Variants in BAIAP2 observed in about 807,000 individuals in gnomAD.
BAIAP2 encodes BAR/IMD domain-containing adapter protein 2.
In BAIAP2, 18 loss-of-function variants were observed where a neutral mutation model predicts 63.0. That is an observed-to-expected ratio of 0.29 (90% CI 0.20 to 0.42). BAIAP2 has a LOEUF of 0.42. Ranked by LOEUF, BAIAP2 falls within the 10% of genes least tolerant of loss-of-function variation. BAIAP2 has a pLI of 1.00. For synonymous variants in BAIAP2, 386 were observed against 307.6 expected (o/e 1.25, Z -2.67); for missense variants, 610 against 734.3 (o/e 0.83, Z 1.96).
At chr17:81,041,820 C>T (rs1360461731) in intron 1 of BAIAP2, among the ~76,000 whole-genome samples, 1 of 152,254 alleles carries the variant, frequency 6.6e-6, no homozygotes, top group Non-Finnish European at 1.5e-5. Flanking sequence ...GATCCACCCA[C>T]CTCGGGCTCC....
At chr17:81,113,816 G>A (rs1397606323) in intron 13 of BAIAP2, among the ~76,000 whole-genome samples, 1 of 152,190 alleles carries the variant, frequency 6.6e-6, no homozygotes, top group Non-Finnish European at 1.5e-5. Flanking sequence ...AGCTCCCCGT[G>A]GGGTCCAGGC....
intron 3 of BAIAP2, among the ~76,000 whole-genome samples, chr17:81,064,382 A>G (rs944575861): frequency 4.6e-5 from 7 of 152,164 alleles, no homozygotes; most frequent in African/African-American, 1.4e-4. Flanking sequence ...ACTCCCGGCT[A>G]ATCACTGTGG....
At chr17:81,037,448 C>G (rs566695369) in intron 1 of BAIAP2, among the ~76,000 whole-genome samples, 102 of 152,346 alleles carry the variant, frequency 6.7e-4, no homozygotes, top group African/African-American at 2.3e-3. Context: ...TGCTTTGTCA[C>G]TGGGGAGCTC....
chr17:81,077,384 C>T (rs1274944240), intron 3 of BAIAP2, among the ~76,000 whole-genome samples: 5 of 152,086 alleles, frequency 3.3e-5, no homozygotes, highest in Admixed American at 1.3e-4. Flanking sequence ...CTGGCCAACA[C>T]GGTGAAACCC....
intron 7 of BAIAP2, among the ~76,000 whole-genome samples, chr17:81,100,825 A>G (rs749593037): frequency 1.1e-4 from 16 of 152,056 alleles, no homozygotes; most frequent in Admixed American, 3.3e-4. Context: ...CTGGGACTCA[A>G]ACCTGGTCAC....
At chr17:81,085,017 GAGGGA>G in intron 4 of BAIAP2, 124 bp downstream of exon 4, 2 of 1,002,806 alleles carry the variant, frequency 2.0e-6, no homozygotes, top group Non-Finnish European at 3.1e-6. Flanking sequence ...CGGAGGCAGG[GAGGGA>G]CCCTGGCTCA....
intron 3 of BAIAP2, among the ~76,000 whole-genome samples, chr17:81,070,482 A>G (rs2052400352): frequency 6.6e-6 from 1 of 152,198 alleles, no homozygotes; most frequent in South Asian, 2.1e-4. Flanking sequence ...CTCCTTGCGG[A>G]CACTGGGCAA....
chr17:81,069,950 G>T lies in BAIAP2; in HGVS notation c.217+11983G>T, dbSNP rs563295893. On this transcript the variant is annotated intron_variant, in intron 3 of 13. Coordinates refer to ENST00000428708, the MANE Select transcript of BAIAP2 (RefSeq NM_001144888.2). ...GGGTTTTTTGTTTTCTTGGTTTTTTGTTGTTGTTGTTGTCTTTTCCCCCTT... is the reference window on the plus strand; with the variant it reads ...GGGTTTTTTGTTTTCTTGGTTTTTTTTTGTTGTTGTTGTCTTTTCCCCCTT... Among the ~76,000 whole-genome samples the T allele has an allele frequency of 7.3e-5, 11 of 151,392 alleles. No individual in the cohort carries two copies. The South Asian group carries it at 8.3e-4, about 11-fold the overall frequency.
At chr17:81,035,863 CA>C (rs1391521802) in intron 1 of BAIAP2, 1 of 152,150 alleles carries the variant, frequency 6.6e-6, no homozygotes, top group African/African-American at 2.4e-5. Context: ...TCCCTTCCCA[CA>C]ACTCCTGCCC....
intron 3 of BAIAP2, among the ~76,000 whole-genome samples, chr17:81,070,555 G>C (rs527946406): frequency 6.6e-6 from 1 of 152,334 alleles, no homozygotes; most frequent in Non-Finnish European, 1.5e-5. Flanking sequence ...CTGCAGAGGG[G>C]TTCCTAGTGG....
intron 6 of BAIAP2, among the ~76,000 whole-genome samples, chr17:81,092,322 G>A (rs532490610): frequency 6.6e-6 from 1 of 152,310 alleles, no homozygotes; most frequent in East Asian, 1.9e-4. Context: ...CGCACTGCCC[G>A]CCTCCACTGC....
chr17:81,086,683 C>A, intron 6 of BAIAP2, 103 bp downstream of exon 6: 1 of 1,346,938 alleles, frequency 7.4e-7, no homozygotes, highest in Non-Finnish European at 1.0e-6. Flanking sequence ...CCCCCAGGTG[C>A]GATCAGACAG....
intron 6 of BAIAP2, among the ~76,000 whole-genome samples, chr17:81,091,760 GC>G (rs2056813893): frequency 6.6e-6 from 1 of 152,226 alleles, no homozygotes; most frequent in Non-Finnish European, 1.5e-5. Context: ...CCAGCCAGGG[GC>G]GTGAGTAGCA....
chr17:81,064,288 G>GGGGAGGTGGCCTCGGGCTATGTAGCC (rs1288532845), intron 3 of BAIAP2, among the ~76,000 whole-genome samples: 1 of 152,242 alleles, frequency 6.6e-6, no homozygotes, highest in Non-Finnish European at 1.5e-5. Context: ...GCCCACAGCC[G>GGGGAGGTGGCCTCGGGCTATGTAGCC]GGGAGGTGGC....
chr17:81,086,715 T>C lies in BAIAP2; in HGVS notation c.489+135T>C, dbSNP rs2055714935. The stretch of plus-strand genomic sequence containing the variant: ...ACAGAGGCAGGCTGTGTGTCCCTGG[T>C]AGACCTCGGGAGCGGTGGGCCTGAC... On this transcript the variant is annotated intron_variant, in intron 6 of 13. Transcript: ENST00000428708. 8 of 1,053,130 alleles carry C rather than the reference T, an allele frequency of 7.6e-6. No homozygotes were observed. In the South Asian group the frequency reaches 1.1e-4, roughly 14 times the overall value. The allele number at this position is 1,053,130 out of a possible 1,614,324, so 65.2% of individuals were successfully genotyped here. A position where few individuals can be genotyped will look rare whatever the true frequency, so the allele number is the denominator to read the frequency against.
At chr17:81,098,215 C>G in intron 6 of BAIAP2, 1 of 1,340,192 alleles carries the variant, frequency 7.5e-7, no homozygotes, top group Non-Finnish European at 9.6e-7. Flanking sequence ...ACAACAAGCC[C>G]TGCACCCATG....
chr17:81,094,662 C>T lies in BAIAP2; in HGVS notation c.490-5266C>T, dbSNP rs1329268102. Among the ~76,000 whole-genome samples the T allele has an allele frequency of 2.6e-5, 4 of 152,334 alleles. 1 individual carries two copies. The highest frequency in any genetic ancestry group is 2.1e-4 in the South Asian group (1 of 4,822). ...TTTAACCACCTGCCATGCTGCCCTCCCTCCTCTGCCTGGGTACCGTGCCCA... is the reference window on the plus strand; with the variant it reads ...TTTAACCACCTGCCATGCTGCCCTCTCTCCTCTGCCTGGGTACCGTGCCCA... On this transcript the variant is annotated intron_variant, in intron 6 of 13. Transcript: ENST00000428708.
chr17:81,099,871 G>A (rs1339667653), intron 6 of BAIAP2, 57 bp from the exon 7 acceptor site: 15 of 1,587,412 alleles, frequency 9.4e-6, no homozygotes, highest in Admixed American at 6.9e-5. Context: ...GCCCCAAACC[G>A]GTCCTGACAG....
intron 3 of BAIAP2, among the ~76,000 whole-genome samples, chr17:81,078,382 C>T (rs1408922061): frequency 2.1e-5 from 3 of 145,334 alleles, no homozygotes; most frequent in Non-Finnish European, 3.0e-5. Context: ...GCTGTGGGTG[C>T]GGGTGCCGTA....
Sources: gnomAD v4.1 joint callset for allele counts (sites outside exome capture counted in the v4.1 genomes callset) on GRCh38, gnomAD v4.1.1 for gene constraint, MANE v1.5 for transcripts, NCBI Gene and HGNC (gene_info 2026-07-23, HGNC 2026-07-21) for gene names.